The following ANKIB1 variants were observed in gnomAD, a reference collection of about 807,000 sequenced individuals.
ANKIB1 encodes the protein ankyrin repeat and IBR domain-containing protein 1.
In ANKIB1, 43 loss-of-function variants were observed where a neutral mutation model predicts 122.1. The observed-to-expected ratio is 0.35, with a 90% confidence interval of 0.28 to 0.45. The LOEUF is 0.45. Ranked by LOEUF, ANKIB1 falls within the 20% of genes least tolerant of loss-of-function variation. The probability of loss-of-function intolerance (pLI) is 1.00; values close to 1 mark genes in which losing one functional copy is unlikely to be tolerated. For synonymous variants in ANKIB1, 390 were observed against 442.0 expected, an observed-to-expected ratio of 0.88 and a Z score of 1.48; for missense variants, 992 against 1,329.5, an observed-to-expected ratio of 0.75 and a Z score of 3.95.
intron 4 of ANKIB1, among the ~76,000 whole-genome samples, chr7:92,324,490 T>C (rs1319549941): frequency 6.6e-6 from 1 of 152,180 alleles, no homozygotes; most frequent in Non-Finnish European, 1.5e-5. Flanking sequence ...CACCTCGGCC[T>C]CCCAAAGTGC....
intron 1 of ANKIB1, among the ~76,000 whole-genome samples, chr7:92,263,894 A>G (rs1801613438): frequency 6.6e-6 from 1 of 152,184 alleles, no homozygotes; most frequent in Non-Finnish European, 1.5e-5. Context: ...TATGTGTCTT[A>G]ATTTGGGATT....
chr7:92,261,167 G>C (rs1801554073), intron 1 of ANKIB1, among the ~76,000 whole-genome samples: 1 of 151,712 alleles, frequency 6.6e-6, no homozygotes, highest in East Asian at 1.9e-4. Context: ...GGCTAACACG[G>C]TGAAACCCCG....
At position 92,368,276 on chromosome 7, in the gene ANKIB1, C is replaced by T. The variant is rs1041959634; in HGVS notation, c.1487-3201C>T. Among the ~76,000 whole-genome samples the T allele has an allele frequency of 2.0e-5, 3 of 150,714 alleles. 1 individual carries two copies. The highest frequency in any genetic ancestry group is 7.3e-5 in the African/African-American group (3 of 40,926). On this transcript the variant is annotated intron_variant, in intron 10 of 19. Coordinates refer to ENST00000265742, the MANE Select transcript of ANKIB1 (RefSeq NM_019004.2). The stretch of plus-strand genomic sequence containing the variant: ...CTAATACTTTATTATGAAGTTAATA[C>T]GTTTTAGAAAGAGACCTAAGCACAC...
intron 11 of ANKIB1, among the ~76,000 whole-genome samples, chr7:92,375,275 A>G (rs1804355176): frequency 6.6e-6 from 1 of 152,190 alleles, no homozygotes; most frequent in South Asian, 2.1e-4. Context: ...TTAAAATAAG[A>G]CAACAATGAA....
At chr7:92,275,053 T>C (rs1160842530) in intron 1 of ANKIB1, among the ~76,000 whole-genome samples, 2 of 152,206 alleles carry the variant, frequency 1.3e-5, no homozygotes, top group Non-Finnish European at 2.9e-5. Flanking sequence ...TTTTCTTTCT[T>C]GGTTGTAGAA....
At chr7:92,308,779 A>G (rs1393134908) in intron 3 of ANKIB1, among the ~76,000 whole-genome samples, 1 of 152,186 alleles carries the variant, frequency 6.6e-6, no homozygotes, top group Non-Finnish European at 1.5e-5. Context: ...CAACATTCAT[A>G]TCCATCCTTA....
At chr7:92,385,723 G>A (rs1156579789) in intron 11 of ANKIB1, among the ~76,000 whole-genome samples, 2 of 152,130 alleles carry the variant, frequency 1.3e-5, no homozygotes, top group Non-Finnish European at 2.9e-5. Context: ...ACATACTGGG[G>A]CCTGTCGTGG....
At position 92,396,391 on chromosome 7, in the gene ANKIB1, G is replaced by A; in HGVS notation, c.2310G>A (p.Arg770=). The change falls in exon 18 of 20, where the codon AGG becomes AGA. Residue 770 remains arginine (R), a synonymous_variant. Coordinates refer to ENST00000265742, the MANE Select transcript of ANKIB1 (RefSeq NM_019004.2). ...PEEYAEFQYR[R]RHRQRRRGDV... is the part of the protein sequence containing the mutation. ...AATATGCTGAATTTCAGTATCGGAG[G>A]AGGCACAGACAACGTCGTCGAGGAG... 1 of 1,592,678 alleles carries A rather than the reference G, an allele frequency of 6.3e-7. No individual in the cohort carries two copies. Among genetic ancestry groups the A allele is most frequent in the South Asian group, 1.1e-5 (1 of 87,342 alleles).
intron 1 of ANKIB1, among the ~76,000 whole-genome samples, chr7:92,259,492 G>T (rs547928491): frequency 6.6e-5 from 10 of 151,930 alleles, no homozygotes; most frequent in Non-Finnish European, 1.3e-4. Context: ...TAGATGGGAT[G>T]GGCAGGATGA....
At chr7:92,315,937 C>A (rs1467148389) in intron 3 of ANKIB1, among the ~76,000 whole-genome samples, 1 of 151,982 alleles carries the variant, frequency 6.6e-6, no homozygotes, top group Non-Finnish European at 1.5e-5. Flanking sequence ...GTAAGTCAAT[C>A]CAGAGTCACC....
chr7:92,368,023 G>T (rs1034537540), intron 10 of ANKIB1, among the ~76,000 whole-genome samples: 1 of 152,098 alleles, frequency 6.6e-6, no homozygotes, highest in Admixed American at 6.5e-5. Flanking sequence ...AGGCATTGTG[G>T]CACATGCCTG....
At position 92,280,450 on chromosome 7, in the gene ANKIB1, A is replaced by ACCCC. The variant is rs34399457; in HGVS notation, c.-90-14431_-90-14428dup. On this transcript the variant is annotated intron_variant, in intron 1 of 19. Coordinates refer to ENST00000265742, the MANE Select transcript of ANKIB1 (RefSeq NM_019004.2). The stretch of plus-strand genomic sequence containing the variant: ...TAGGCTTAAGAAACGTTTGGAGGGC[A>ACCCC]CCCCCCCCCCCTTTTTTTCCTCTTG... Among the ~76,000 whole-genome samples, 3 of 112,838 alleles carry ACCCC rather than the reference A, an allele frequency of 2.7e-5. No individual in the cohort carries two copies. In the East Asian group the frequency reaches 7.5e-4, roughly 28 times the overall value. 74.0% of individuals were successfully genotyped at this position (112,838 alleles called of 152,430 possible).
At chr7:92,260,004 G>T (rs1186731251) in intron 1 of ANKIB1, among the ~76,000 whole-genome samples, 2 of 152,096 alleles carry the variant, frequency 1.3e-5, no homozygotes, top group Non-Finnish European at 2.9e-5. Flanking sequence ...CTTCCTAAAT[G>T]ATCTGCTTCT....
chr7:92,367,353 C>T (rs541672205), intron 10 of ANKIB1, among the ~76,000 whole-genome samples: 11 of 152,084 alleles, frequency 7.2e-5, no homozygotes, highest in Non-Finnish European at 1.2e-4. Context: ...AAATTTAGGG[C>T]GAGGATTAAA....
At position 92,366,390 on chromosome 7, in the gene ANKIB1, A is replaced by G. The variant is rs555962738; in HGVS notation, c.1486+4117A>G. Among the ~76,000 whole-genome samples, 14 of 152,134 alleles carry G rather than the reference A, an allele frequency of 9.2e-5. No individual in the cohort carries two copies. In the South Asian group the frequency reaches 2.7e-3, roughly 29 times the overall value. On this transcript the variant is annotated intron_variant, in intron 10 of 19. Coordinates refer to ENST00000265742, the MANE Select transcript of ANKIB1 (RefSeq NM_019004.2). ...ATCCTGTGGCATCAAATGGCTTTGT[A>G]TATCACTTTCCCAGTCTTTTATCCC...
intron 1 of ANKIB1, among the ~76,000 whole-genome samples, chr7:92,292,015 CCAGTACTTGCCTCAT>C (rs35203954): frequency 3.0e-3 from 454 of 152,288 alleles, no homozygotes; most frequent in African/African-American, 0.01. Flanking sequence ...GTTTGGTACT[CCAGTACTTGCCTCAT>C]GAAGCTCTAT....
intron 10 of ANKIB1, among the ~76,000 whole-genome samples, chr7:92,367,092 A>G (rs776863212): frequency 6.6e-6 from 1 of 152,208 alleles, no homozygotes; most frequent in Non-Finnish European, 1.5e-5. Context: ...TATAGATGGT[A>G]TATACATGGT....
rs1233955446 is a variant in ANKIB1, at chr7:92,400,357, CTAGAG to C, written c.*1411_*1415del. The C allele has an allele frequency of 2.0e-5, 3 of 152,134 alleles. No homozygotes were observed. Among genetic ancestry groups the C allele is most frequent in the Non-Finnish European group, 4.4e-5 (3 of 68,024 alleles). The allele number at this position is 152,134 out of a possible 1,614,324, so 9.4% of individuals were successfully genotyped here. A position where few individuals can be genotyped will look rare whatever the true frequency, so the allele number is the denominator to read the frequency against. On this transcript the variant is annotated 3_prime_UTR_variant, in exon 20 of 20. Transcript: ENST00000265742. Reference sequence around the variant, plus strand: ...ACAATGGTACAGTGTGTAATTAAAACTAGAGTAAACTGTTGGAATGGCTGTTTTAC... The same window carrying C: ...ACAATGGTACAGTGTGTAATTAAAACTAAACTGTTGGAATGGCTGTTTTAC...
At chr7:92,363,213 C>T (rs1803990332) in intron 10 of ANKIB1, among the ~76,000 whole-genome samples, 2 of 152,016 alleles carry the variant, frequency 1.3e-5, no homozygotes, top group African/African-American at 4.8e-5. Context: ...GAGATGGAGA[C>T]CATCCTGGCC....
Sources: gnomAD v4.1 joint callset for allele counts (sites outside exome capture counted in the v4.1 genomes callset) on GRCh38, gnomAD v4.1.1 for gene constraint, MANE v1.5 for transcripts, NCBI Gene and HGNC (gene_info 2026-07-23, HGNC 2026-07-21) for gene names.